Variants in DTX2 observed in about 807,000 individuals in gnomAD.
DTX2 encodes deltex E3 ubiquitin ligase 2, also known as probable E3 ubiquitin-protein ligase DTX2.
Under a neutral mutation model 55.3 loss-of-function variants are expected in DTX2, and 29 were observed. The observed-to-expected ratio is 0.52, with a 90% confidence interval of 0.39 to 0.71. The LOEUF (loss-of-function observed/expected upper bound fraction) is 0.71, where lower values mean the gene tolerates loss of function less well. Ranked by LOEUF, DTX2 falls within the 30% of genes least tolerant of loss-of-function variation. The pLI is 0.00. For missense variants in DTX2, 537 were observed against 822.5 expected (o/e 0.65, Z 4.25); for synonymous variants, 276 against 340.4 (o/e 0.81, Z 2.08).
rs1355581850 is a variant in DTX2, at chr7:76,505,877, G to A, written c.*276G>A. The A allele has an allele frequency of 7.0e-6, 4 of 571,716 alleles. No homozygotes were observed. Among genetic ancestry groups the A allele is most frequent in the Admixed American group, 6.2e-5 (2 of 32,094 alleles). 35.4% of individuals were successfully genotyped at this position (571,716 alleles called of 1,614,324 possible). A position where few individuals can be genotyped will look rare whatever the true frequency, so the allele number is the denominator to read the frequency against. ...CCTCTGGGGGCTGCTTCGGGCCCGCGGTGCTCGGGGCCTGGTGTGGGGCGA... is the reference window on the plus strand; with the variant it reads ...CCTCTGGGGGCTGCTTCGGGCCCGCAGTGCTCGGGGCCTGGTGTGGGGCGA... On this transcript the variant is annotated 3_prime_UTR_variant, in exon 11 of 11. Transcript: ENST00000430490. The surrounding 1 kb of genome is among the most constrained non-coding windows in gnomAD (Gnocchi z 4.4).
chr7:76,498,893 A>T (rs1184267762), intron 6 of DTX2, among the ~76,000 whole-genome samples: 1 of 19,050 alleles, frequency 5.2e-5, no homozygotes. Context: ...TGTGGGGTGT[A>T]TGGAGGTGTG....
chr7:76,505,331 C>G lies in DTX2; in HGVS notation c.1642-43C>G, dbSNP rs759881389. 1 of 1,507,966 alleles carries G rather than the reference C, an allele frequency of 6.6e-7. No homozygotes were observed. The highest frequency in any genetic ancestry group is 9.0e-7 in the Non-Finnish European group (1 of 1,110,908). The allele number at this position is 1,507,966 out of a possible 1,614,324, so 93.4% of individuals were successfully genotyped here. On this transcript the variant is annotated intron_variant, in intron 10 of 10. Coordinates refer to ENST00000430490, the MANE Select transcript of DTX2 (RefSeq NM_001102594.3). The surrounding 1 kb of genome is among the most constrained non-coding windows in gnomAD (Gnocchi z 4.4). ...GCCTGCTCACTGAGCCCCTCTCACT[C>G]TCCGTCCCCTCCTTCCTCTTCCCCC...
At chr7:76,479,777 GA>G (rs1028730967) in intron 2 of DTX2, among the ~76,000 whole-genome samples, 4 of 150,000 alleles carry the variant, frequency 2.7e-5, no homozygotes, top group African/African-American at 7.4e-5. Flanking sequence ...CCATCTCAAA[GA>G]AAAAAAAATA....
chr7:76,488,491 G>C lies in DTX2; in HGVS notation c.909-3662G>C, dbSNP rs1238775524. The stretch of plus-strand genomic sequence containing the variant: ...GCAGTGCCAAATTTCAGCTTTCTGG[G>C]CTCCAACTACGGGCTTGAGCTCAGT... On this transcript the variant is annotated intron_variant, in intron 4 of 10. Coordinates refer to ENST00000430490, the MANE Select transcript of DTX2 (RefSeq NM_001102594.3). 3.8e-5 allele frequency among the ~76,000 whole-genome samples: 3 copies of C among 79,960 alleles called. 1 individual carries two copies. The Admixed American group carries it at 3.8e-4, about 10-fold the overall frequency. 52.5% of individuals were successfully genotyped at this position (79,960 alleles called of 152,430 possible).
In DTX2 at chr7:76,482,574, G is replaced by T; in HGVS notation, c.335G>T (p.Trp112Leu). The change falls in exon 4 of 11, where the codon TGG becomes TTG. Residue 112 changes from tryptophan (W) to leucine (L), a missense_variant. Physicochemically the swap from Trp to Leu is moderately conservative, Grantham distance 61 (BLOSUM62 -2). Transcript: ENST00000430490. ...TCAGCCCCTGGCCGAGGTGTCGTCT[G>T]GGAGTGGCTGAGCGACGATGGCTCC... The part of the protein sequence containing the change: ...QHSAPGRGVV[W>L]EWLSDDGSWT... 1.2e-6 allele frequency: 2 copies of T among 1,613,550 alleles called. No individual in the cohort carries two copies. The highest frequency in any genetic ancestry group is 1.7e-6 in the Non-Finnish European group (2 of 1,179,644).
chr7:76,505,567 A>AG lies in DTX2; in HGVS notation c.1840dup (p.Val614GlyfsTer112). The AG allele has an allele frequency of 6.3e-7, 1 of 1,595,164 alleles. No homozygotes were observed. The highest frequency in any genetic ancestry group is 2.3e-5 in the East Asian group (1 of 44,234). ...AACGTGCTGGCTGAGCTGGCTGCCC[A>AG]GGGGGTGACCGAGGACTGCCTGGAG... On this transcript the variant is annotated frameshift_variant, in exon 11 of 11. Coordinates refer to ENST00000430490, the MANE Select transcript of DTX2 (RefSeq NM_001102594.3). LOFTEE classifies it high-confidence loss of function. This position sits in a 1 kb window ranked among gnomAD's most constrained non-coding sequence, Gnocchi z 4.4.
chr7:76,489,692 T>C (rs1810224015), intron 4 of DTX2, among the ~76,000 whole-genome samples: 1 of 90,912 alleles, frequency 1.1e-5, no homozygotes, highest in Non-Finnish European at 2.3e-5. Flanking sequence ...GTGTGGTGGC[T>C]CATGCCTGTA....
In DTX2 at chr7:76,500,073, T is replaced by A. The variant is rs1329451393; in HGVS notation, c.1151-368T>A. The A allele has an allele frequency of 8.3e-6, 3 of 360,092 alleles. 1 individual carries two copies. Among genetic ancestry groups the A allele is most frequent in the Non-Finnish European group, 1.6e-5 (3 of 183,480 alleles). The allele number at this position is 360,092 out of a possible 1,614,324, so 22.3% of individuals were successfully genotyped here. A position where few individuals can be genotyped will look rare whatever the true frequency, so the allele number is the denominator to read the frequency against. ...TGCCACAACGCCCCCTGGAGTAGTT[T>A]GTGCCCGAAGCGGCTGTCTGACTCT... On this transcript the variant is annotated intron_variant, in intron 6 of 10. Transcript: ENST00000430490.
chr7:76,474,733 GC>G lies in DTX2; in HGVS notation c.-89-5687del, dbSNP rs577848714. ...AAGTGTGTGGCTCACCCGCCCCGGG[GC>G]TCACAGCTGGGCAGGGTGATTTCCA... On this transcript the variant is annotated intron_variant, in intron 2 of 10. Coordinates refer to ENST00000430490, the MANE Select transcript of DTX2 (RefSeq NM_001102594.3). 7.8e-4 allele frequency: 119 copies of G among 152,176 alleles called. 1 individual carries two copies. Among genetic ancestry groups the G allele is most frequent in the African/African-American group, 2.6e-3 (109 of 41,500 alleles). The allele number at this position is 152,176 out of a possible 1,614,324, so 9.4% of individuals were successfully genotyped here.
At chr7:76,469,375 T>TC (rs1807607890) in intron 2 of DTX2, among the ~76,000 whole-genome samples, 2 of 149,704 alleles carry the variant, frequency 1.3e-5, no homozygotes, top group Non-Finnish European at 3.0e-5. Context: ...TTTTTTTTTT[T>TC]TTTTTACTGT....
intron 5 of DTX2, among the ~76,000 whole-genome samples, chr7:76,493,823 T>G (rs1263433031): frequency 6.7e-5 from 8 of 119,686 alleles, no homozygotes; most frequent in South Asian, 7.2e-4. Flanking sequence ...TGAGGGGGGA[T>G]TGGGGGTAGA....
rs1235258731 is a variant in DTX2, at chr7:76,505,955, C to A, written c.*354C>A. 2.4e-6 allele frequency: 1 copy of A among 424,274 alleles called. No homozygotes were observed. Among genetic ancestry groups the A allele is most frequent in the Non-Finnish European group, 4.3e-6 (1 of 231,098 alleles). 26.3% of individuals were successfully genotyped at this position (424,274 alleles called of 1,614,324 possible). ...GTGGGTTCTGGGTCAGCTTCTTTTA[C>A]CTCAATTTTGTTTGCAATAAATGCT... On this transcript the variant is annotated 3_prime_UTR_variant, in exon 11 of 11. Transcript: ENST00000430490. The surrounding 1 kb of genome is among the most constrained non-coding windows in gnomAD (Gnocchi z 4.4).
intron 2 of DTX2, chr7:76,474,504 TCGGGACGGCAGAGG>T (rs1808323946): frequency 6.6e-6 from 1 of 152,128 alleles, no homozygotes; most frequent in Non-Finnish European, 1.5e-5. Flanking sequence ...TCATCTTCTC[TCGGGACGGCAGAGG>T]CAGGACAGCC....
At chr7:76,486,846 G>A in intron 4 of DTX2, among the ~76,000 whole-genome samples, 1 of 79,908 alleles carries the variant, frequency 1.3e-5, no homozygotes, top group South Asian at 3.5e-4. Context: ...TGTTGTGGTG[G>A]GCTGCTGCTG....
chr7:76,484,047 G>A (rs1240345689), intron 4 of DTX2, among the ~76,000 whole-genome samples: 4 of 138,154 alleles, frequency 2.9e-5, no homozygotes, highest in Admixed American at 2.9e-4. Context: ...GTGACAGAGC[G>A]AGACCCTGTC....
rs750414249 is a variant in DTX2 at position 76,483,159 on chromosome 7, A to T, written c.908+12A>T. ...TCCGGTGCAGTCAGGTATCGTGGGC[A>T]ACGGCCGCTCGTTTTGTCTGCCCTG... On this transcript the variant is annotated intron_variant, in intron 4 of 10. Transcript: ENST00000430490. 2.5e-6 allele frequency: 4 copies of T among 1,604,882 alleles called. No individual in the cohort carries two copies. Among genetic ancestry groups the T allele is most frequent in the Admixed American group, 3.4e-5 (2 of 58,108 alleles).
rs143934697 is a variant in DTX2 at position 76,482,926 on chromosome 7, C to A, written c.687C>A (p.His229Gln). 4 of 1,613,470 alleles carry A rather than the reference C, an allele frequency of 2.5e-6. No homozygotes were observed. The highest frequency in any genetic ancestry group is 2.2e-5 in the East Asian group (1 of 44,886). ...TCCCTGCATACCCCGTCCCCCAGCA[C>A]CCCCCACACAGGACCGCTTCTGTGT... The part of the protein sequence containing the change: ...TNLPAYPVPQ[H>Q]PPHRTASVFG... Residue 229 changes from histidine (H) to glutamine (Q), a missense_variant, in exon 4 of 11, where the codon CAC becomes CAA. By Grantham distance (24) the His-to-Gln change is conservative. This residue lies in a region of DTX2 where 301 missense variants were observed against 396.6 expected (regional missense o/e 0.76). Transcript: ENST00000430490.
rs572867335 is a variant in DTX2, at chr7:76,479,924, G to A, written c.-89-497G>A. On this transcript the variant is annotated intron_variant, in intron 2 of 10. Coordinates refer to ENST00000430490, the MANE Select transcript of DTX2 (RefSeq NM_001102594.3). ...GCCTGTGCGGCGGTACGTAGGCTGC[G>A]GGATTGACTTTGAATTCTTCCTGGC... Among the ~76,000 whole-genome samples, 651 of 150,710 alleles carry A rather than the reference G, an allele frequency of 4.3e-3. 4 individuals carry two copies. Among genetic ancestry groups the A allele is most frequent in the African/African-American group, 0.015 (604 of 40,676 alleles).
chr7:76,495,408 G>T (rs919041197), intron 5 of DTX2, among the ~76,000 whole-genome samples: 1 of 151,956 alleles, frequency 6.6e-6, no homozygotes, highest in African/African-American at 2.4e-5. Flanking sequence ...CAGATGGGTG[G>T]AGAAAAAGGC....
Sources: allele counts gnomAD v4.1 joint callset (sites outside exome capture counted in the v4.1 genomes callset), GRCh38; gene constraint gnomAD v4.1.1; regional missense constraint gnomAD v4.1.1; non-coding constraint Gnocchi (gnomAD v3.1); transcripts MANE v1.5; gene names NCBI Gene and HGNC (gene_info 2026-07-23, HGNC 2026-07-21).